USP32: variants seen among roughly 807,000 people sequenced by gnomAD.
USP32 encodes ubiquitin carboxyl-terminal hydrolase 32.
In USP32, 59 loss-of-function variants were observed where a neutral mutation model predicts 204.8. The observed-to-expected ratio is 0.29, with a 90% confidence interval of 0.23 to 0.36. The LOEUF (loss-of-function observed/expected upper bound fraction) is 0.36. USP32 is among the 10% of genes least tolerant of loss of function. The pLI is 1.00. For missense variants in USP32, 1,160 were observed against 1,946.4 expected (o/e 0.60, Z 7.60); for synonymous variants, 517 against 678.4 (o/e 0.76, Z 3.70).
At chr17:60,413,876 G>GAAAAAAAAAAAAA (rs753405307) in intron 1 of USP32, among the ~76,000 whole-genome samples, 2 of 95,102 alleles carry the variant, frequency 2.1e-5, no homozygotes, top group Non-Finnish European at 4.3e-5. Context: ...AAAAAAAAAA[G>GAAAAAAAAAAAAA]AAAAAAAAAA....
intron 11 of USP32, among the ~76,000 whole-genome samples, chr17:60,237,110 T>TACTC (rs2085746965): frequency 7.5e-6 from 1 of 133,496 alleles, no homozygotes; most frequent in Non-Finnish European, 1.6e-5. Flanking sequence ...AAAAAAAATC[T>TACTC]ACTCTATCTA....
intron 29 of USP32, among the ~76,000 whole-genome samples, chr17:60,186,728 G>A (rs1356931637): frequency 2.0e-5 from 3 of 152,302 alleles, no homozygotes; most frequent in South Asian, 4.1e-4. Context: ...AGAATGGGCG[G>A]GGTGCAGGGA....
intron 27 of USP32, among the ~76,000 whole-genome samples, chr17:60,194,785 T>C (rs1245464672): frequency 1.3e-5 from 2 of 152,228 alleles, no homozygotes; most frequent in Admixed American, 1.3e-4. Context: ...CCTATCTTTT[T>C]GGGTTACTTA....
At chr17:60,288,767 G>T in intron 4 of USP32, 85 bp from the exon 5 acceptor site, 1 of 1,139,404 alleles carries the variant, frequency 8.8e-7, no homozygotes, top group Non-Finnish European at 1.2e-6. Context: ...TTTGCAATTA[G>T]TTGGCAATTA....
intron 1 of USP32, among the ~76,000 whole-genome samples, chr17:60,356,037 C>A (rs957129959): frequency 1.3e-5 from 2 of 152,050 alleles, no homozygotes; most frequent in African/African-American, 4.8e-5. Context: ...CTGAAGGAGG[C>A]AGAATGGGTT....
At chr17:60,383,928 T>C (rs1460817055) in intron 1 of USP32, among the ~76,000 whole-genome samples, 1 of 152,242 alleles carries the variant, frequency 6.6e-6, no homozygotes, top group Non-Finnish European at 1.5e-5. Context: ...ATTTTAAGAA[T>C]ACACTGACTG....
intron 16 of USP32, among the ~76,000 whole-genome samples, chr17:60,216,077 A>T (rs2085093850): frequency 1.3e-5 from 2 of 152,132 alleles, no homozygotes; most frequent in South Asian, 2.1e-4. Context: ...GTGCCCAATA[A>T]GGAAAAAAAA....
chr17:60,351,151 A>G (rs1336805810), intron 1 of USP32, among the ~76,000 whole-genome samples: 2 of 151,492 alleles, frequency 1.3e-5, no homozygotes, highest in African/African-American at 4.8e-5. Flanking sequence ...TGAGGCTGAG[A>G]AAAAAAAATA....
intron 8 of USP32, 111 bp downstream of exon 8, chr17:60,265,865 T>G: frequency 1.2e-6 from 1 of 802,276 alleles, no homozygotes; most frequent in East Asian, 2.5e-5. Context: ...AGTAGCATAA[T>G]GTAGTAACTA....
chr17:60,218,614 TA>T (rs1051664293), intron 16 of USP32, among the ~76,000 whole-genome samples: 4 of 151,938 alleles, frequency 2.6e-5, no homozygotes, highest in African/African-American at 9.7e-5. Flanking sequence ...TTATTAATAT[TA>T]TTTTTTGAGA....
chr17:60,250,936 A>G (rs1270204521), intron 11 of USP32, among the ~76,000 whole-genome samples: 8 of 150,970 alleles, frequency 5.3e-5, no homozygotes, highest in Non-Finnish European at 1.5e-5. Flanking sequence ...CCACCCATTT[A>G]TTCCTTTCTT....
At chr17:60,234,665 G>C (rs1180998396) in intron 12 of USP32, among the ~76,000 whole-genome samples, 1 of 151,744 alleles carries the variant, frequency 6.6e-6, no homozygotes, top group Non-Finnish European at 1.5e-5. Flanking sequence ...GGAAGGCGGA[G>C]CTTGCAGTGA....
At chr17:60,288,467 G>A in intron 5 of USP32, 56 bp downstream of exon 5, 2 of 1,523,362 alleles carry the variant, frequency 1.3e-6, no homozygotes, top group South Asian at 1.3e-5. Context: ...CATATTACCA[G>A]CCAATTATAT....
chr17:60,324,460 CCT>C (rs1333287078), intron 2 of USP32, among the ~76,000 whole-genome samples: 1 of 151,918 alleles, frequency 6.6e-6, no homozygotes, highest in Non-Finnish European at 1.5e-5. Flanking sequence ...TTCCCCTACC[CCT>C]GAGATCAATG....
intron 1 of USP32, among the ~76,000 whole-genome samples, chr17:60,365,304 C>T (rs1341229420): frequency 1.3e-5 from 2 of 151,846 alleles, no homozygotes; most frequent in Non-Finnish European, 2.9e-5. Flanking sequence ...CGTGGTGAAA[C>T]CTTGTCTCTA....
At chr17:60,327,415 C>A (rs1189322539) in intron 2 of USP32, among the ~76,000 whole-genome samples, 1 of 13,108 alleles carries the variant, frequency 7.6e-5, no homozygotes, top group Non-Finnish European at 1.6e-4. Flanking sequence ...TGGTGGGGGG[C>A]GGGGGGGAGG....
chr17:60,234,792 G>C (rs1302129637), intron 12 of USP32, among the ~76,000 whole-genome samples: 13 of 151,944 alleles, frequency 8.6e-5, no homozygotes, highest in Admixed American at 8.5e-4. Context: ...GCCCAGGCTG[G>C]TCTTGAATTC....
chr17:60,192,963 A>C (rs1323251356), intron 27 of USP32, 33 bp from the exon 28 acceptor site: 1 of 1,610,820 alleles, frequency 6.2e-7, no homozygotes, highest in African/African-American at 1.3e-5. Flanking sequence ...GAGTGTAAGA[A>C]GCATTTCTGG....
intron 7 of USP32, 27 bp downstream of exon 7, chr17:60,269,423 T>A: frequency 6.3e-7 from 1 of 1,579,722 alleles, no homozygotes; most frequent in South Asian, 1.1e-5. Context: ...TAGTTTGCAA[T>A]TTTTTGACAA....
Sources: gnomAD v4.1 joint callset for allele counts (sites outside exome capture counted in the v4.1 genomes callset) on GRCh38, gnomAD v4.1.1 for gene constraint, MANE v1.5 for transcripts, NCBI Gene and HGNC (gene_info 2026-07-23, HGNC 2026-07-21) for gene names.